Variants in TSPAN4 observed in about 807,000 individuals in gnomAD.
TSPAN4 encodes the protein tetraspanin 4.
Under a neutral mutation model 31.5 loss-of-function variants are expected in TSPAN4, and 38 were observed. The observed-to-expected ratio is 1.21, with a 90% CI of 0.93 to 1.58. TSPAN4 has a LOEUF of 1.58. Among genes scored for constraint, TSPAN4 ranks in the 40% most tolerant of loss-of-function variants. The pLI is 0.00. For missense variants in TSPAN4, 330 were observed against 317.3 expected, an observed-to-expected ratio of 1.04 and a Z score of -0.30; for synonymous variants, 186 against 144.6, an observed-to-expected ratio of 1.29 and a Z score of -2.06.
At chr11:866,024 C>T (rs1848779329) in intron 8 of TSPAN4, 23 bp downstream of exon 8, 2 of 1,608,590 alleles carry the variant, frequency 1.2e-6, no homozygotes, top group African/African-American at 1.3e-5. Flanking sequence ...GGCCTGCGGG[C>T]TCCCTGCCCC....
At chr11:850,224 A>T (rs1378713291) in intron 2 of TSPAN4, 64 bp from the exon 3 acceptor site, 1 of 1,364,454 alleles carries the variant, frequency 7.3e-7, no homozygotes, top group Non-Finnish European at 1.0e-6. Flanking sequence ...GGCGCGCTAC[A>T]CGTCGCCCAA....
At chr11:851,441 C>T (rs1337843564) in intron 3 of TSPAN4, among the ~76,000 whole-genome samples, 1 of 152,178 alleles carries the variant, frequency 6.6e-6, no homozygotes. Context: ...GGCCAAGTGC[C>T]CAGAAGCCTG....
intron 5 of TSPAN4, 193 bp downstream of exon 5, chr11:864,704 T>G (rs1206778410): frequency 8.8e-6 from 6 of 678,810 alleles, no homozygotes; most frequent in Non-Finnish European, 1.5e-5. Context: ...TGTGGCTCTA[T>G]AGCGACTGGG....
chr11:857,737 G>A (rs1848145079), intron 3 of TSPAN4: 1 of 152,228 alleles, frequency 6.6e-6, no homozygotes, highest in East Asian at 1.9e-4. Flanking sequence ...TTTCTCTGTT[G>A]TGCTAGCACC....
chr11:859,320 T>C (rs1589782842), intron 3 of TSPAN4, among the ~76,000 whole-genome samples: 1 of 7,436 alleles, frequency 1.3e-4, no homozygotes, highest in Non-Finnish European at 2.2e-4. Context: ...CACCCCCCCT[T>C]TCACACGCAC....
Position 862,603 on chromosome 11 carries a change from G to A in TSPAN4, c.117G>A (p.Gly39=). The A allele has an allele frequency of 1.9e-6, 3 of 1,612,944 alleles. No homozygotes were observed. Among genetic ancestry groups the A allele is most frequent in the Admixed American group, 3.3e-5 (2 of 59,974 alleles). Residue 39 remains glycine, a synonymous_variant, in exon 4 of 9, where the codon GGG becomes GGA. Transcript: ENST00000397397. ...GVGIWLAATQ[G]SFATLSSSFP... ...GCATCTGGCTGGCCGCCACACAGGGGAGCTTCGCCACGCTGTCCTCTTCCT... is the reference window on the plus strand; with the variant it reads ...GCATCTGGCTGGCCGCCACACAGGGAAGCTTCGCCACGCTGTCCTCTTCCT...
At chr11:862,836 A>C in intron 4 of TSPAN4, 95 bp downstream of exon 4, 1 of 1,316,978 alleles carries the variant, frequency 7.6e-7, no homozygotes, top group Non-Finnish European at 1.0e-6. Flanking sequence ...GACCCCCCAG[A>C]CGTGGGCACC....
At chr11:845,696 G>A (rs561333825) in intron 1 of TSPAN4, among the ~76,000 whole-genome samples, 1 of 151,996 alleles carries the variant, frequency 6.6e-6, no homozygotes, top group Non-Finnish European at 1.5e-5. Context: ...CTTCACCCCC[G>A]ACTCCCAGCA....
At chr11:860,387 G>T (rs1285799428) in intron 3 of TSPAN4, among the ~76,000 whole-genome samples, 1 of 152,224 alleles carries the variant, frequency 6.6e-6, no homozygotes, top group African/African-American at 2.4e-5. Flanking sequence ...CTGCCTGCCA[G>T]CCAGCCAGTA....
Position 848,267 on chromosome 11 carries a change from C to A in TSPAN4, c.-18+967C>A, listed in dbSNP as rs1276976665. Among the ~76,000 whole-genome samples, 1 of 152,188 alleles carries A rather than the reference C, an allele frequency of 6.6e-6. No individual in the cohort carries two copies. The highest frequency in any genetic ancestry group is 6.5e-5 in the Admixed American group (1 of 15,294). ...CCGATGCGTGGCCGCCGTTCTGACC[C>A]ATTCCTGGGGCCCAGACCCACCAAA... On this transcript the variant is annotated intron_variant, in intron 2 of 8. Transcript: ENST00000397397. This position sits in a 1 kb window ranked among gnomAD's most constrained non-coding sequence, Gnocchi z 5.7.
rs143096619 is a variant in TSPAN4 at position 866,580 on chromosome 11, G to A, written c.667G>A (p.Ala223Thr). Residue 223 changes from alanine (A) to threonine (T), a missense_variant, in exon 9 of 9, where the codon GCC (alanine) becomes ACC (threonine). Ala to Thr is a moderately conservative substitution (Grantham distance 58). Coordinates refer to ENST00000397397, the MANE Select transcript of TSPAN4 (RefSeq NM_003271.5). ...ALVQILGLTFAMTMYCQVVKA... is the reference protein window; with the variant it reads ...ALVQILGLTFTMTMYCQVVKA... ...CCTACAGATCCTGGGCCTGACCTTCGCCATGACCATGTACTGCCAAGTGGT... is the reference window on the plus strand; with the variant it reads ...CCTACAGATCCTGGGCCTGACCTTCACCATGACCATGTACTGCCAAGTGGT... 556 of 1,613,418 alleles carry A rather than the reference G, an allele frequency of 3.4e-4. No homozygotes were observed. Among genetic ancestry groups the A allele is most frequent in the Non-Finnish European group, 4.5e-4 (531 of 1,179,804 alleles).
chr11:861,722 C>A (rs1450316652), intron 3 of TSPAN4, among the ~76,000 whole-genome samples: 4 of 148,302 alleles, frequency 2.7e-5, no homozygotes, highest in South Asian at 4.3e-4. Context: ...AAAAAAAAAA[C>A]AAAAAAGACT....
intron 3 of TSPAN4, among the ~76,000 whole-genome samples, chr11:854,020 C>G (rs1847900669): frequency 6.6e-6 from 1 of 152,200 alleles, no homozygotes; most frequent in South Asian, 2.1e-4. Flanking sequence ...CTTCAGGCCT[C>G]TGTGCTGCCT....
intron 8 of TSPAN4, 90 bp from the exon 9 acceptor site, chr11:866,472 C>G: frequency 7.8e-7 from 1 of 1,279,228 alleles, no homozygotes; most frequent in Middle Eastern, 1.9e-4. Context: ...GGGGTCAGGG[C>G]CAGGGCACCT....
At position 862,790 on chromosome 11, in the gene TSPAN4, G is replaced by A. The variant is rs751536265; in HGVS notation, c.255+49G>A. The A allele has an allele frequency of 7.2e-6, 11 of 1,523,662 alleles. No homozygotes were observed. In the Admixed American group the frequency reaches 1.0e-4, roughly 14 times the overall value. The allele number at this position is 1,523,662 out of a possible 1,614,324, so 94.4% of individuals were successfully genotyped here. A position where few individuals can be genotyped will look rare whatever the true frequency, so the allele number is the denominator to read the frequency against. On this transcript the variant is annotated intron_variant, in intron 4 of 8. Transcript: ENST00000397397. Reference sequence around the variant, plus strand: ...GCTCCGGGTGGGACCACGCAGGGTGGGGCTCCGGTGGCCCCCAGGCCTTGG... The same window carrying A: ...GCTCCGGGTGGGACCACGCAGGGTGAGGCTCCGGTGGCCCCCAGGCCTTGG...
chr11:847,022 TCCTCAGTGGTCTTCTTCTCCGAGTC>T (rs1350930474), intron 1 of TSPAN4, 154 bp from the exon 2 acceptor site: 2 of 152,308 alleles, frequency 1.3e-5, no homozygotes, highest in Non-Finnish European at 2.9e-5. Flanking sequence ...TTGGGGCTAC[TCCTCAGTGGTCTTCTTCTCCGAGTC>T]TGGTGGTGTA....
chr11:861,130 C>T (rs1848431749), intron 3 of TSPAN4, among the ~76,000 whole-genome samples: 2 of 152,220 alleles, frequency 1.3e-5, no homozygotes, highest in Admixed American at 6.5e-5. Context: ...AGCACCCTCT[C>T]TCTGGGCGCA....
chr11:863,551 G>T (rs1362085212), intron 4 of TSPAN4: 1 of 152,328 alleles, frequency 6.6e-6, no homozygotes, highest in African/African-American at 2.4e-5. Flanking sequence ...CAGTCGGTGG[G>T]GGTCTGTGGC....
chr11:860,079 C>G (rs1332915762), intron 3 of TSPAN4, among the ~76,000 whole-genome samples: 4 of 152,208 alleles, frequency 2.6e-5, no homozygotes, highest in Admixed American at 2.0e-4. Context: ...CAGAGCTTCC[C>G]AAGATAGGTC....
Sources: allele counts gnomAD v4.1 joint callset (sites outside exome capture counted in the v4.1 genomes callset), GRCh38; gene constraint gnomAD v4.1.1; non-coding constraint Gnocchi (gnomAD v3.1); transcripts MANE v1.5; gene names NCBI Gene and HGNC (gene_info 2026-07-23, HGNC 2026-07-21).